ROBO2: variants seen among roughly 807,000 people sequenced by gnomAD.
ROBO2 encodes the protein roundabout homolog 2.
Under a neutral mutation model 160.8 loss-of-function variants are expected in ROBO2, and 53 were observed. That is an observed-to-expected ratio of 0.33 (90% CI 0.26 to 0.41). The LOEUF is 0.41. ROBO2 is among the 10% of genes least tolerant of loss of function. The pLI is 1.00. For synonymous variants in ROBO2, 664 were observed against 611.7 expected (o/e 1.09, Z -1.26); for missense variants, 1,577 against 1,722.4 (o/e 0.92, Z 1.49).
At chr3:76,621,324 G>A (rs1035511818) in intron 2 of ROBO2, among the ~76,000 whole-genome samples, 16 of 152,082 alleles carry the variant, frequency 1.1e-4, no homozygotes, top group Non-Finnish European at 1.9e-4. Context: ...ATTCTTACAC[G>A]CTTTGGTCTG....
intron 2 of ROBO2, among the ~76,000 whole-genome samples, chr3:76,813,120 T>A (rs1401039189): frequency 3.9e-5 from 6 of 152,046 alleles, no homozygotes; most frequent in African/African-American, 1.4e-4. Flanking sequence ...CAGACTCTTT[T>A]AAGTACAGTC....
At chr3:77,410,531 C>CTCCTCCTCTTCT (rs1190874497) in intron 2 of ROBO2, among the ~76,000 whole-genome samples, 29 of 117,074 alleles carry the variant, frequency 2.5e-4, no homozygotes, top group African/African-American at 8.0e-4. Flanking sequence ...CCTCCTCTTC[C>CTCCTCCTCTTCT]TCCTCCTCTT....
intron 2 of ROBO2, among the ~76,000 whole-genome samples, chr3:76,271,973 T>C (rs1707459214): frequency 6.6e-6 from 1 of 152,180 alleles, no homozygotes; most frequent in Admixed American, 6.5e-5. Flanking sequence ...TTGTCTCTTT[T>C]TCTGATATGT....
At chr3:76,987,098 G>A (rs1000561868) in intron 2 of ROBO2, among the ~76,000 whole-genome samples, 1 of 152,186 alleles carries the variant, frequency 6.6e-6, no homozygotes, top group Non-Finnish European at 1.5e-5. Context: ...GCTAATCTCT[G>A]TCGTGATACG....
intron 2 of ROBO2, among the ~76,000 whole-genome samples, chr3:77,130,838 C>T (rs1248695778): frequency 6.6e-6 from 1 of 152,142 alleles, no homozygotes; most frequent in East Asian, 1.9e-4. Flanking sequence ...CTAGTGATTG[C>T]TTTAAAATGG....
intron 2 of ROBO2, among the ~76,000 whole-genome samples, chr3:77,291,196 TG>T (rs1344914130): frequency 3.6e-4 from 51 of 143,088 alleles, no homozygotes; most frequent in African/African-American, 1.3e-3. Context: ...GTAAAATTGA[TG>T]GTTAAATGGG....
intron 4 of ROBO2, among the ~76,000 whole-genome samples, chr3:77,491,508 C>T (rs1174687326): frequency 7.9e-5 from 12 of 152,080 alleles, no homozygotes; most frequent in Non-Finnish European, 1.5e-5. Flanking sequence ...AATCCTATTG[C>T]CTATTTAACT....
At chr3:76,650,340 T>A (rs1288320517) in intron 2 of ROBO2, among the ~76,000 whole-genome samples, 1 of 152,176 alleles carries the variant, frequency 6.6e-6, no homozygotes, top group Non-Finnish European at 1.5e-5. Context: ...GCCTTCGTTC[T>A]TTCCCTTCCT....
chr3:76,728,248 C>T (rs1272467630), intron 2 of ROBO2, among the ~76,000 whole-genome samples: 1 of 152,096 alleles, frequency 6.6e-6, no homozygotes, highest in Non-Finnish European at 1.5e-5. Context: ...TTGTTTTCCC[C>T]TACTAGTGTA....
chr3:76,293,492 A>C (rs1708910564), intron 2 of ROBO2, among the ~76,000 whole-genome samples: 1 of 152,202 alleles, frequency 6.6e-6, no homozygotes, highest in Non-Finnish European at 1.5e-5. Flanking sequence ...ACAACAGTTC[A>C]AGCTGATGTG....
chr3:77,166,881 C>T (rs1346430912), intron 2 of ROBO2, among the ~76,000 whole-genome samples: 1 of 152,140 alleles, frequency 6.6e-6, no homozygotes, highest in African/African-American at 2.4e-5. Context: ...TTTAAGCAGT[C>T]CAGGCCAATT....
chr3:77,457,374 T>C (rs2081770095), intron 2 of ROBO2, among the ~76,000 whole-genome samples: 1 of 152,210 alleles, frequency 6.6e-6, no homozygotes, highest in African/African-American at 2.4e-5. Context: ...ACAAAGCACC[T>C]AGTGTAATAA....
At chr3:75,976,479 A>G (rs1170760399) in intron 2 of ROBO2, among the ~76,000 whole-genome samples, 2 of 151,564 alleles carry the variant, frequency 1.3e-5, no homozygotes, top group African/African-American at 4.8e-5. Flanking sequence ...CACTTATACA[A>G]TGTAGAAAGA....
intron 2 of ROBO2, among the ~76,000 whole-genome samples, chr3:76,794,426 C>T (rs557077423): frequency 8.1e-4 from 123 of 152,030 alleles, no homozygotes; most frequent in Non-Finnish European, 1.5e-3. Context: ...GGTTATTAAA[C>T]ATTCATAGGA....
At chr3:76,332,429 T>C (rs1481294120) in intron 2 of ROBO2, among the ~76,000 whole-genome samples, 1 of 152,230 alleles carries the variant, frequency 6.6e-6, no homozygotes, top group Admixed American at 6.5e-5. Flanking sequence ...ATTTGACTAA[T>C]GATGCAAAAG....
chr3:77,103,407 CTT>C (rs11409908), intron 2 of ROBO2, among the ~76,000 whole-genome samples: 3 of 146,716 alleles, frequency 2.0e-5, no homozygotes, highest in East Asian at 2.0e-4. Context: ...AGAAACCAAT[CTT>C]TTTTTTTTTT....
At chr3:76,987,513 TA>T (rs2060446734) in intron 2 of ROBO2, among the ~76,000 whole-genome samples, 1 of 152,172 alleles carries the variant, frequency 6.6e-6, no homozygotes, top group Non-Finnish European at 1.5e-5. Flanking sequence ...AGTCACAAAA[TA>T]TAACTCAAAA....
chr3:76,214,408 C>T (rs1703356749), intron 2 of ROBO2, among the ~76,000 whole-genome samples: 1 of 152,142 alleles, frequency 6.6e-6, no homozygotes, highest in African/African-American at 2.4e-5. Context: ...AATTCCCTTT[C>T]CTAGTGAAAG....
At chr3:75,929,172 CGTG>C (rs1401348771) in intron 1 of ROBO2, among the ~76,000 whole-genome samples, 1 of 113,604 alleles carries the variant, frequency 8.8e-6, no homozygotes, top group Non-Finnish European at 1.7e-5. Flanking sequence ...CTGGATAAGA[CGTG>C]TGTGTGTGTG....
Sources: gnomAD v4.1 joint callset for allele counts (sites outside exome capture counted in the v4.1 genomes callset) on GRCh38, gnomAD v4.1.1 for gene constraint, MANE v1.5 for transcripts, NCBI Gene and HGNC (gene_info 2026-07-23, HGNC 2026-07-21) for gene names.